Variants in EIF4G3 observed in about 807,000 individuals in gnomAD.
EIF4G3 encodes eIF-4-gamma 3.
Under a neutral mutation model 186.4 loss-of-function variants are expected in EIF4G3, and 34 were observed. The ratio of observed to expected loss-of-function variants is 0.18; its 90% confidence interval spans 0.14 to 0.24. EIF4G3 has a LOEUF of 0.24. Ranked by LOEUF, EIF4G3 falls within the 10% of genes least tolerant of loss-of-function variation. The probability of loss-of-function intolerance (pLI) is 1.00; values close to 1 mark genes in which losing one functional copy is unlikely to be tolerated. For missense variants in EIF4G3, 1,536 were observed against 1,948.5 expected (o/e 0.79, Z 3.99); for synonymous variants, 673 against 679.5 (o/e 0.99, Z 0.15).
At chr1:21,022,954 T>C (rs2091096770) in intron 4 of EIF4G3, among the ~76,000 whole-genome samples, 1 of 152,230 alleles carries the variant, frequency 6.6e-6, no homozygotes, top group African/African-American at 2.4e-5. Flanking sequence ...TTCAGTTTTC[T>C]TTCCTTCGAG....
At chr1:20,985,236 T>TTCACAAAACACATGCTTAC (rs1553388268) in intron 7 of EIF4G3, among the ~76,000 whole-genome samples, 3 of 152,182 alleles carry the variant, frequency 2.0e-5, no homozygotes, top group Admixed American at 6.5e-5. Flanking sequence ...ATCAAGTTAC[T>TTCACAAAACACATGCTTAC]TCACAAAACA....
At chr1:20,854,349 A>G (rs1036811830) in intron 26 of EIF4G3, among the ~76,000 whole-genome samples, 10 of 151,936 alleles carry the variant, frequency 6.6e-5, no homozygotes, top group African/African-American at 2.2e-4. Flanking sequence ...GGTCCCAGTA[A>G]TTTCTCTAGC....
At chr1:20,813,132 G>A in intron 35 of EIF4G3, 26 bp downstream of exon 35, 8 of 1,485,424 alleles carry the variant, frequency 5.4e-6, no homozygotes, top group Non-Finnish European at 7.5e-6. Context: ...CAGATGTTAT[G>A]AGCTGCCTTC....
At chr1:20,861,426 T>C (rs2076304637) in intron 23 of EIF4G3, among the ~76,000 whole-genome samples, 1 of 151,524 alleles carries the variant, frequency 6.6e-6, no homozygotes, top group South Asian at 2.1e-4. Flanking sequence ...AGCAGCAGAA[T>C]AGGAGGGTCA....
chr1:20,928,210 ATTG>A (rs1249255210), intron 14 of EIF4G3, among the ~76,000 whole-genome samples: 2 of 152,174 alleles, frequency 1.3e-5, no homozygotes, highest in African/African-American at 2.4e-5. Context: ...TATATAAGTA[ATTG>A]TTGTATAAAT....
At chr1:21,023,216 G>C (rs1317385259) in intron 4 of EIF4G3, among the ~76,000 whole-genome samples, 1 of 145,620 alleles carries the variant, frequency 6.9e-6, no homozygotes, top group African/African-American at 2.5e-5. Flanking sequence ...AGTGGTGTAA[G>C]GGCTCTCCCT....
chr1:20,872,107 A>G (rs1468037645), intron 20 of EIF4G3, among the ~76,000 whole-genome samples: 2 of 152,044 alleles, frequency 1.3e-5, no homozygotes, highest in Admixed American at 6.5e-5. Context: ...CTTAAAAAAA[A>G]AATCTGTGTG....
intron 7 of EIF4G3, among the ~76,000 whole-genome samples, chr1:20,984,682 C>CA (rs2079065850): frequency 6.7e-6 from 1 of 150,238 alleles, no homozygotes; most frequent in African/African-American, 2.5e-5. Context: ...CTCCACCTCC[C>CA]AGGTTCAAGT....
At chr1:20,998,852 A>C (rs1468170481) in intron 6 of EIF4G3, 2 of 430,208 alleles carry the variant, frequency 4.6e-6, no homozygotes, top group Non-Finnish European at 9.3e-6. Context: ...GTTTTTATCT[A>C]ATATATTTAA....
chr1:20,922,560 G>A (rs2094559944), intron 14 of EIF4G3, among the ~76,000 whole-genome samples: 1 of 152,152 alleles, frequency 6.6e-6, no homozygotes, highest in African/African-American at 2.4e-5. Flanking sequence ...GCCTCCCAAA[G>A]TACTGGGATT....
At chr1:20,933,218 T>A (rs1472365703) in intron 14 of EIF4G3, among the ~76,000 whole-genome samples, 1 of 152,148 alleles carries the variant, frequency 6.6e-6, no homozygotes, top group Non-Finnish European at 1.5e-5. Context: ...AAAAGATGAT[T>A]TCGGCCACTT....
At chr1:20,883,884 G>A (rs1572175717) in intron 19 of EIF4G3, among the ~76,000 whole-genome samples, 1 of 152,282 alleles carries the variant, frequency 6.6e-6, no homozygotes, top group East Asian at 1.9e-4. Context: ...ACAAAAATCA[G>A]TGTTTCAGGT....
chr1:21,105,517 C>T (rs2096601359), intron 2 of EIF4G3, among the ~76,000 whole-genome samples: 1 of 142,244 alleles, frequency 7.0e-6, no homozygotes, highest in Non-Finnish European at 1.6e-5. Context: ...ATATATACCC[C>T]TGAACCTAAA....
intron 12 of EIF4G3, among the ~76,000 whole-genome samples, chr1:20,955,656 T>C (rs2096391827): frequency 6.6e-6 from 1 of 152,132 alleles, no homozygotes; most frequent in Non-Finnish European, 1.5e-5. Context: ...ATTTTGGTGG[T>C]AATAATGGGG....
chr1:20,836,390 G>A (rs530920789), intron 30 of EIF4G3, among the ~76,000 whole-genome samples: 7 of 152,078 alleles, frequency 4.6e-5, no homozygotes, highest in African/African-American at 1.4e-4. Context: ...TTATTGGCAC[G>A]TGCCACCATG....
At chr1:20,818,771 A>AT (rs1418755668) in intron 33 of EIF4G3, among the ~76,000 whole-genome samples, 1 of 152,192 alleles carries the variant, frequency 6.6e-6, no homozygotes, top group Non-Finnish European at 1.5e-5. Flanking sequence ...AATATTAAGG[A>AT]TTACTCACAT....
At position 20,938,297 on chromosome 1, in the gene EIF4G3, A is replaced by G. The variant is rs2154561924; in HGVS notation, c.1663+3194T>C. On this transcript the variant is annotated intron_variant, in intron 14 of 36. Transcript: ENST00000602326. ...GGCATGAGCCACCGCGCCCGGCCTC[A>G]ACTGATGCATTTTTATTCACTCAGA... Among the ~76,000 whole-genome samples the G allele has an allele frequency of 2.6e-5, 4 of 152,200 alleles. No homozygotes were observed. In the Middle Eastern group the frequency reaches 0.01, roughly 391 times the overall value.
chr1:21,054,143 T>G (rs970435468), intron 3 of EIF4G3, among the ~76,000 whole-genome samples: 1 of 151,922 alleles, frequency 6.6e-6, no homozygotes, highest in African/African-American at 2.4e-5. Context: ...TCTTCTGCCT[T>G]GGGATCCTGT....
intron 2 of EIF4G3, among the ~76,000 whole-genome samples, chr1:21,093,262 CA>C (rs2096259854): frequency 6.6e-6 from 1 of 152,100 alleles, no homozygotes; most frequent in Non-Finnish European, 1.5e-5. Flanking sequence ...AAGAAAAAAA[CA>C]AACAACCCCA....
Sources: allele counts gnomAD v4.1 joint callset (sites outside exome capture counted in the v4.1 genomes callset), GRCh38; gene constraint gnomAD v4.1.1; transcripts MANE v1.5; gene names NCBI Gene and HGNC (gene_info 2026-07-23, HGNC 2026-07-21).